Variants in NUP93 observed in about 807,000 individuals in gnomAD.
NUP93 encodes the protein nucleoporin 93, also known as nuclear pore complex protein Nup93.
NUP93 carries 55 observed loss-of-function variants against 107.8 expected under a neutral mutation model. The ratio of observed to expected loss-of-function variants is 0.51; its 90% CI spans 0.41 to 0.64. NUP93 has a LOEUF of 0.64. Ranked by LOEUF, NUP93 falls within the 30% of genes least tolerant of loss-of-function variation. NUP93 has a pLI of 0.00. For missense variants in NUP93, 937 were observed against 1,044.7 expected, an observed-to-expected ratio of 0.90 and a Z score of 1.42; for synonymous variants, 390 against 397.5, an observed-to-expected ratio of 0.98 and a Z score of 0.22.
chr16:56,830,623 C>T lies in NUP93; in HGVS notation c.1023C>T (p.Ala341=). The T allele has an allele frequency of 1.2e-6, 2 of 1,610,006 alleles. No homozygotes were observed. The highest frequency in any genetic ancestry group is 1.7e-6 in the Non-Finnish European group (2 of 1,176,630). ...LLAASQVVNR[A]QHQLGEFKTW... ...CCGCTTCACAGGTAGTTAATCGAGC[C>T]CAGCACCAGCTGGGAGAGTTTAAAA... The change falls in exon 10 of 22, where the codon GCC becomes GCT. Residue 341 remains alanine (A), a synonymous_variant. Transcript: ENST00000308159.
At chr16:56,745,931 A>G (rs1244382217) in intron 1 of NUP93, among the ~76,000 whole-genome samples, 2 of 152,184 alleles carry the variant, frequency 1.3e-5, no homozygotes, top group Non-Finnish European at 2.9e-5. Flanking sequence ...TGGGCTGGTC[A>G]TTTGAGAAGG....
chr16:56,837,227 A>G (rs1963929234), intron 17 of NUP93, among the ~76,000 whole-genome samples: 3 of 152,222 alleles, frequency 2.0e-5, no homozygotes, highest in Non-Finnish European at 4.4e-5. Context: ...GACCTAAACA[A>G]GATTACATTC....
chr16:56,815,047 C>G (rs757216443), intron 5 of NUP93, among the ~76,000 whole-genome samples: 4 of 152,210 alleles, frequency 2.6e-5, no homozygotes, highest in Non-Finnish European at 4.4e-5. Context: ...CCTTTGAAAA[C>G]AAGAGCATTA....
intron 6 of NUP93, among the ~76,000 whole-genome samples, chr16:56,820,361 G>A (rs1376598687): frequency 6.6e-6 from 1 of 152,232 alleles, no homozygotes; most frequent in East Asian, 1.9e-4. Context: ...CCAGGCTGGA[G>A]TGCAGTGGTG....
intron 3 of NUP93, among the ~76,000 whole-genome samples, chr16:56,794,272 G>A (rs922820558): frequency 6.6e-6 from 1 of 152,202 alleles, no homozygotes; most frequent in South Asian, 2.1e-4. Context: ...TATTTTGTGG[G>A]CTCAGTTTGT....
At position 56,847,665 on chromosome 16, in the gene NUP93, C is replaced by G. The variant is rs1284976827; in HGVS notation, c.*3056C>G. On this transcript the variant is annotated 3_prime_UTR_variant, in exon 22 of 22. Transcript: ENST00000308159. The stretch of plus-strand genomic sequence containing the variant: ...ACAACAGCAACAAAAAACTCTTTGA[C>G]TCCCCAACTTCAGAGGGAAAACTGA... 1 of 152,222 alleles carries G rather than the reference C, an allele frequency of 6.6e-6. No homozygotes were observed. Among genetic ancestry groups the G allele is most frequent in the Admixed American group, 6.5e-5 (1 of 15,284 alleles). 9.4% of individuals were successfully genotyped at this position (152,222 alleles called of 1,614,324 possible). A position where few individuals can be genotyped will look rare whatever the true frequency, so the allele number is the denominator to read the frequency against.
At chr16:56,732,922 A>G (rs1156568865) in intron 1 of NUP93, among the ~76,000 whole-genome samples, 4 of 152,282 alleles carry the variant, frequency 2.6e-5, no homozygotes, top group South Asian at 4.1e-4. Context: ...AGGGAGACAT[A>G]TGTGTGATGA....
chr16:56,827,721 G>A (rs1376196943), intron 8 of NUP93, among the ~76,000 whole-genome samples: 3 of 152,184 alleles, frequency 2.0e-5, no homozygotes, highest in Non-Finnish European at 2.9e-5. Flanking sequence ...TAAAAGGTTA[G>A]TGTCCAGCTG....
chr16:56,822,007 C>T (rs552018601), intron 7 of NUP93, among the ~76,000 whole-genome samples: 23 of 148,982 alleles, frequency 1.5e-4, no homozygotes, highest in African/African-American at 5.5e-4. Context: ...TTATATACCA[C>T]TGGTTCTGTT....
At chr16:56,832,091 A>G (rs2144631565) in intron 11 of NUP93, 84 bp downstream of exon 11, 1 of 1,506,074 alleles carries the variant, frequency 6.6e-7, no homozygotes. Context: ...TGCTTAATGT[A>G]TGATGCCAAT....
chr16:56,816,388 G>C (rs1266462572), intron 5 of NUP93, among the ~76,000 whole-genome samples: 1 of 152,190 alleles, frequency 6.6e-6, no homozygotes, highest in Admixed American at 6.5e-5. Flanking sequence ...CACCTACCAA[G>C]ATGTCTGCAG....
At chr16:56,830,034 A>C (rs1963747815) in intron 9 of NUP93, among the ~76,000 whole-genome samples, 1 of 152,242 alleles carries the variant, frequency 6.6e-6, no homozygotes, top group Non-Finnish European at 1.5e-5. Flanking sequence ...TGTCTCTCAG[A>C]TCCCCAGTGC....
At chr16:56,742,830 A>T (rs1242708335) in intron 1 of NUP93, among the ~76,000 whole-genome samples, 1 of 152,202 alleles carries the variant, frequency 6.6e-6, no homozygotes, top group Non-Finnish European at 1.5e-5. Context: ...TATTTCTGGG[A>T]TGACTCAGTG....
At chr16:56,763,278 G>GGT (rs1303768591) in intron 3 of NUP93, among the ~76,000 whole-genome samples, 1 of 152,006 alleles carries the variant, frequency 6.6e-6, no homozygotes, top group African/African-American at 2.4e-5. Flanking sequence ...GGGAAATGAG[G>GGT]GTGACTACTT....
chr16:56,822,938 T>G (rs1963578380), intron 7 of NUP93, among the ~76,000 whole-genome samples: 1 of 152,198 alleles, frequency 6.6e-6, no homozygotes, highest in Non-Finnish European at 1.5e-5. Flanking sequence ...GAAAACAGGC[T>G]TTTCTCTTTT....
At chr16:56,773,759 C>A (rs191454453) in intron 3 of NUP93, among the ~76,000 whole-genome samples, 135 of 152,250 alleles carry the variant, frequency 8.9e-4, no homozygotes, top group Middle Eastern at 3.4e-3. Flanking sequence ...GTAGGTAAAC[C>A]TGCTTTTCTA....
rs758853132 is a variant in NUP93 at position 56,830,554 on chromosome 16, G to A, written c.954G>A (p.Val318=). ...LQDGEVEGHP[V]WALIYYCMRC... The stretch of plus-strand genomic sequence containing the variant: ...ATGGAGAGGTGGAAGGCCATCCTGT[G>A]TGGGCGCTAATTTACTACTGCATGC... The change falls in exon 10 of 22, where the codon GTG becomes GTA. Residue 318 remains valine (V), a synonymous_variant. Coordinates refer to ENST00000308159, the MANE Select transcript of NUP93 (RefSeq NM_014669.5). The A allele has an allele frequency of 2.9e-5, 46 of 1,595,428 alleles. No homozygotes were observed. Among genetic ancestry groups the A allele is most frequent in the Non-Finnish European group, 3.9e-5 (46 of 1,165,054 alleles).
rs572845364 is a variant in NUP93 at position 56,740,852 on chromosome 16, C to T, written c.-14-7382C>T. On this transcript the variant is annotated intron_variant, in intron 1 of 21. Transcript: ENST00000308159. ...CGGCCCGGCCAACACAGCGAAACCC[C>T]GTCTCCACCAAAACCAGTCAGGCGT... 2.3e-4 allele frequency: 43 copies of T among 189,244 alleles called. No individual in the cohort carries two copies. The South Asian group carries it at 2.8e-3, about 12-fold the overall frequency. The allele number at this position is 189,244 out of a possible 1,614,324, so 11.7% of individuals were successfully genotyped here. A position where few individuals can be genotyped will look rare whatever the true frequency, so the allele number is the denominator to read the frequency against.
chr16:56,836,564 C>T, intron 16 of NUP93, 37 bp from the exon 17 acceptor site: 1 of 1,234,152 alleles, frequency 8.1e-7, no homozygotes, highest in Non-Finnish European at 1.2e-6. Context: ...GTGCACCCGT[C>T]TCTCTCTTCC....
Sources: gnomAD v4.1 joint callset for allele counts (sites outside exome capture counted in the v4.1 genomes callset) on GRCh38, gnomAD v4.1.1 for gene constraint, MANE v1.5 for transcripts, NCBI Gene and HGNC (gene_info 2026-07-23, HGNC 2026-07-21) for gene names.